The following ROBO1 variants were observed in gnomAD, a reference collection of about 807,000 sequenced individuals.
The protein encoded by ROBO1 is roundabout guidance receptor 1.
Under a neutral mutation model 195.9 loss-of-function variants are expected in ROBO1, and 149 were observed. The observed-to-expected ratio is 0.76, with a 90% CI of 0.67 to 0.87. The LOEUF (loss-of-function observed/expected upper bound fraction) is 0.87, where lower values mean the gene tolerates loss of function less well. ROBO1 is among the 40% of genes least tolerant of loss of function. The pLI is 0.00. For synonymous variants in ROBO1, 816 were observed against 733.2 expected, an observed-to-expected ratio of 1.11 and a Z score of -1.82; for missense variants, 1,933 against 2,068.3, an observed-to-expected ratio of 0.93 and a Z score of 1.27.
At position 79,756,704 on chromosome 3, in the gene ROBO1, GTAT is replaced by G. The variant is rs1704425575; in HGVS notation, c.-51+11045_-51+11047del. Reference sequence around the variant, plus strand: ...ACCATTTTAAGTGTTTAACTCAGTAGTATTAAGTGCATTCAAATTGTTGTGCAA... The same window carrying G: ...ACCATTTTAAGTGTTTAACTCAGTAGTAAGTGCATTCAAATTGTTGTGCAA... On this transcript the variant is annotated intron_variant, in intron 1 of 30. Coordinates refer to ENST00000464233, the MANE Select transcript of ROBO1 (RefSeq NM_002941.4). Among the ~76,000 whole-genome samples, 3 of 151,938 alleles carry G rather than the reference GTAT, an allele frequency of 2.0e-5. No homozygotes were observed. In the South Asian group the frequency reaches 6.2e-4, roughly 31 times the overall value.
intron 2 of ROBO1, among the ~76,000 whole-genome samples, chr3:79,134,972 G>C (rs1311868429): frequency 6.9e-6 from 1 of 144,442 alleles, no homozygotes; most frequent in African/African-American, 2.6e-5. Context: ...GCACCAGCAT[G>C]GCACATGTAT....
At chr3:79,203,940 G>A (rs2081815905) in intron 2 of ROBO1, among the ~76,000 whole-genome samples, 1 of 152,082 alleles carries the variant, frequency 6.6e-6, no homozygotes, top group South Asian at 2.1e-4. Context: ...ATCCTAATGT[G>A]TGCAATTGGT....
intron 1 of ROBO1, among the ~76,000 whole-genome samples, chr3:79,659,033 C>A (rs1214610342): frequency 6.6e-5 from 10 of 151,964 alleles, no homozygotes; most frequent in African/African-American, 2.2e-4. Context: ...CTGCACCCGG[C>A]CCTCTAAACC....
intron 4 of ROBO1, among the ~76,000 whole-genome samples, chr3:78,829,615 A>G (rs939054604): frequency 2.0e-5 from 3 of 152,152 alleles, no homozygotes; most frequent in Admixed American, 6.5e-5. Flanking sequence ...GAATATGGCT[A>G]TGTCGACAGG....
chr3:79,389,946 G>T (rs1261920957), intron 2 of ROBO1, among the ~76,000 whole-genome samples: 3 of 152,114 alleles, frequency 2.0e-5, no homozygotes, highest in Admixed American at 6.6e-5. Context: ...TTTGGTTTCT[G>T]TGTGAGGAGT....
At chr3:79,697,299 T>C (rs897364192) in intron 1 of ROBO1, among the ~76,000 whole-genome samples, 11 of 151,438 alleles carry the variant, frequency 7.3e-5, no homozygotes, top group African/African-American at 2.7e-4. Flanking sequence ...TGGTTAGATG[T>C]AATAATCTAT....
At chr3:78,955,892 A>C (rs2041025994) in intron 3 of ROBO1, among the ~76,000 whole-genome samples, 1 of 152,184 alleles carries the variant, frequency 6.6e-6, no homozygotes, top group Admixed American at 6.5e-5. Context: ...TTCTGACATG[A>C]GTAAGAATTC....
At chr3:78,723,491 G>T (rs28482804) in intron 5 of ROBO1, among the ~76,000 whole-genome samples, 71,227 of 151,954 alleles carry the variant, frequency 0.47, 17,625 homozygotes, top group Middle Eastern at 0.56. Flanking sequence ...ATATATATTT[G>T]CATTGACACA....
At chr3:79,243,607 T>C (rs958233699) in intron 2 of ROBO1, among the ~76,000 whole-genome samples, 20 of 152,148 alleles carry the variant, frequency 1.3e-4, no homozygotes, top group Non-Finnish European at 1.8e-4. Context: ...TTTTTTCATG[T>C]GTCTTTTGGC....
chr3:78,872,026 A>T (rs2035583056), intron 4 of ROBO1, among the ~76,000 whole-genome samples: 1 of 152,152 alleles, frequency 6.6e-6, no homozygotes, highest in South Asian at 2.1e-4. Flanking sequence ...TATGTTATCG[A>T]CAATATGAGA....
At chr3:79,240,906 G>A (rs2082502822) in intron 2 of ROBO1, among the ~76,000 whole-genome samples, 1 of 152,094 alleles carries the variant, frequency 6.6e-6, no homozygotes, top group Admixed American at 6.5e-5. Context: ...GCTTCCCAAA[G>A]TGCTAGGATT....
chr3:79,306,380 T>C (rs1462654735), intron 2 of ROBO1, among the ~76,000 whole-genome samples: 1 of 145,108 alleles, frequency 6.9e-6, no homozygotes, highest in Non-Finnish European at 1.5e-5. Context: ...TCTCAAGATA[T>C]CAATTTTTTT....
intron 2 of ROBO1, among the ~76,000 whole-genome samples, chr3:79,450,306 A>C (rs1243342207): frequency 7.0e-6 from 1 of 143,378 alleles, no homozygotes; most frequent in Non-Finnish European, 1.5e-5. Flanking sequence ...AGAGAACTAA[A>C]TGGCAGAGAC....
chr3:79,561,735 C>A (rs776140723), intron 2 of ROBO1, among the ~76,000 whole-genome samples: 1 of 152,048 alleles, frequency 6.6e-6, no homozygotes, highest in Non-Finnish European at 1.5e-5. Flanking sequence ...AGGAGTTAAG[C>A]AAATTAACAG....
chr3:79,123,422 G>A (rs2080158021), intron 3 of ROBO1, among the ~76,000 whole-genome samples: 1 of 151,772 alleles, frequency 6.6e-6, no homozygotes, highest in Non-Finnish European at 1.5e-5. Context: ...TAGCCAATTG[G>A]TATCTTTCTT....
intron 2 of ROBO1, among the ~76,000 whole-genome samples, chr3:79,177,735 C>T (rs148467889): frequency 6.6e-6 from 1 of 152,182 alleles, no homozygotes; most frequent in Non-Finnish European, 1.5e-5. Context: ...CTCACCTTTG[C>T]CCTTCTTGGT....
intron 4 of ROBO1, among the ~76,000 whole-genome samples, chr3:78,930,898 T>A (rs1245649601): frequency 6.6e-6 from 1 of 152,180 alleles, no homozygotes; most frequent in African/African-American, 2.4e-5. Flanking sequence ...CACCCCACCA[T>A]TGCATATTGC....
At chr3:79,420,412 T>C (rs2106930781) in intron 2 of ROBO1, among the ~76,000 whole-genome samples, 1 of 152,274 alleles carries the variant, frequency 6.6e-6, no homozygotes, top group Admixed American at 6.5e-5. Flanking sequence ...AGTGTTTCAT[T>C]AATAAATGTG....
chr3:78,601,937 A>G (rs1254702105), intron 29 of ROBO1, among the ~76,000 whole-genome samples: 2 of 152,028 alleles, frequency 1.3e-5, no homozygotes, highest in African/African-American at 4.8e-5. Context: ...AGATATGCTG[A>G]TGCTCTACAG....
Sources: allele counts gnomAD v4.1 joint callset (sites outside exome capture counted in the v4.1 genomes callset), GRCh38; gene constraint gnomAD v4.1.1; transcripts MANE v1.5; gene names NCBI Gene and HGNC (gene_info 2026-07-23, HGNC 2026-07-21).